THSD4: variants seen among roughly 807,000 people sequenced by gnomAD.
THSD4 encodes the protein thrombospondin type-1 domain-containing protein 4.
THSD4 carries 69 observed loss-of-function variants against 119.0 expected under a neutral mutation model. The ratio of observed to expected loss-of-function variants is 0.58; its 90% CI spans 0.48 to 0.71. The LOEUF (loss-of-function observed/expected upper bound fraction) is 0.71, where lower values mean the gene tolerates loss of function less well. Among genes scored for constraint, THSD4 ranks in the 30% least tolerant of loss-of-function variants. The probability of loss-of-function intolerance (pLI) is 0.00; values close to 1 mark genes in which losing one functional copy is unlikely to be tolerated. For synonymous variants in THSD4, 524 were observed against 540.4 expected, an observed-to-expected ratio of 0.97 and a Z score of 0.42; for missense variants, 1,393 against 1,391.1, an observed-to-expected ratio of 1.00 and a Z score of -0.02.
chr15:71,438,711 C>A (rs1255315479), intron 7 of THSD4, among the ~76,000 whole-genome samples: 1 of 152,092 alleles, frequency 6.6e-6, no homozygotes, highest in Non-Finnish European at 1.5e-5. Flanking sequence ...GAATCTCTGT[C>A]TTTTCATATA....
intron 7 of THSD4, among the ~76,000 whole-genome samples, chr15:71,499,967 G>T (rs1172510495): frequency 6.6e-6 from 1 of 152,056 alleles, no homozygotes; most frequent in Non-Finnish European, 1.5e-5. Context: ...TCTCTTCAAG[G>T]TCTTGTTTTC....
intron 2 of THSD4, among the ~76,000 whole-genome samples, chr15:71,152,606 T>C (rs950840508): frequency 6.6e-6 from 1 of 152,100 alleles, no homozygotes; most frequent in Non-Finnish European, 1.5e-5. Flanking sequence ...CCCGGCCCAC[T>C]CACTGCCATT....
At position 71,239,138 on chromosome 15, in the gene THSD4, T is replaced by A. The variant is rs2044131126; in HGVS notation, c.465-3511T>A. 2.6e-5 allele frequency among the ~76,000 whole-genome samples: 4 copies of A among 152,174 alleles called. No individual in the cohort carries two copies. The South Asian group carries it at 8.3e-4, about 31-fold the overall frequency. ...TGCATACTCTGTGTGAAGCATTAGG[T>A]CATTTGCTCTTAAGTCATTTAATCT... On this transcript the variant is annotated intron_variant, in intron 4 of 17. Coordinates refer to ENST00000261862, the MANE Select transcript of THSD4 (RefSeq NM_024817.3).
At chr15:71,735,626 CTCTCTCTTGCTG>C (rs1466843963) in intron 10 of THSD4, among the ~76,000 whole-genome samples, 4 of 151,464 alleles carry the variant, frequency 2.6e-5, no homozygotes, top group East Asian at 2.0e-4. Context: ...CTCTCTGTTT[CTCTCTCTTGCTG>C]TCTCTCTTGC....
intron 8 of THSD4, 95 bp downstream of exon 8, chr15:71,660,829 C>A: frequency 7.1e-7 from 1 of 1,411,658 alleles, no homozygotes; most frequent in Non-Finnish European, 9.7e-7. Context: ...GTCCGAGAGT[C>A]CCGGGGCATG....
At chr15:71,494,213 T>G (rs1250900980) in intron 7 of THSD4, among the ~76,000 whole-genome samples, 1 of 152,230 alleles carries the variant, frequency 6.6e-6, no homozygotes, top group East Asian at 1.9e-4. Context: ...TGTTTGTATT[T>G]GCAAACTGAG....
At chr15:71,425,545 C>A (rs188043404) in intron 7 of THSD4, among the ~76,000 whole-genome samples, 162 of 152,298 alleles carry the variant, frequency 1.1e-3, no homozygotes, top group African/African-American at 3.6e-3. Context: ...TGCCCCCTGT[C>A]AGGCCTCCTG....
chr15:71,658,976 A>G (rs998262381), intron 7 of THSD4, among the ~76,000 whole-genome samples: 1 of 152,094 alleles, frequency 6.6e-6, no homozygotes, highest in Non-Finnish European at 1.5e-5. Flanking sequence ...TTTTGATTTG[A>G]CTCTGCCCAC....
chr15:71,736,985 C>A (rs2141150182), intron 10 of THSD4, among the ~76,000 whole-genome samples: 1 of 152,326 alleles, frequency 6.6e-6, no homozygotes, highest in South Asian at 2.1e-4. Flanking sequence ...TTTTTTCTTT[C>A]ACCAAACAAT....
At chr15:71,553,050 G>A (rs954711520) in intron 7 of THSD4, among the ~76,000 whole-genome samples, 6 of 152,118 alleles carry the variant, frequency 3.9e-5, no homozygotes, top group Admixed American at 1.3e-4. Context: ...CTTCTTCCCT[G>A]CCAAGATGAA....
At chr15:71,307,722 C>T (rs909575471) in intron 6 of THSD4, among the ~76,000 whole-genome samples, 9 of 152,126 alleles carry the variant, frequency 5.9e-5, no homozygotes, top group Admixed American at 1.3e-4. Context: ...GAGCTGAGAT[C>T]GCACCACTGC....
chr15:71,211,967 T>TG (rs918721120), intron 3 of THSD4, among the ~76,000 whole-genome samples: 6 of 152,182 alleles, frequency 3.9e-5, no homozygotes, highest in Admixed American at 3.9e-4. Context: ...TCAAAACACT[T>TG]GAAAGTTGTC....
In THSD4 at chr15:71,443,007, G is replaced by A. The variant is rs1213703024; in HGVS notation, c.1152+31184G>A. 4.0e-5 allele frequency among the ~76,000 whole-genome samples: 6 copies of A among 151,864 alleles called. No individual in the cohort carries two copies. The South Asian group carries it at 1.0e-3, about 26-fold the overall frequency. On this transcript the variant is annotated intron_variant, in intron 7 of 17. Transcript: ENST00000261862. ...AGCCCCTTGAGGGCAGACCCAGGAAGATTAGGTACTTAAGAAATGTTGAAA... is the reference window on the plus strand; with the variant it reads ...AGCCCCTTGAGGGCAGACCCAGGAAAATTAGGTACTTAAGAAATGTTGAAA...
At chr15:71,354,656 C>T (rs929313212) in intron 6 of THSD4, among the ~76,000 whole-genome samples, 1 of 152,206 alleles carries the variant, frequency 6.6e-6, no homozygotes, top group Admixed American at 6.5e-5. Context: ...TCTAGCCCTG[C>T]AGTTGCTAAT....
intron 6 of THSD4, among the ~76,000 whole-genome samples, chr15:71,399,439 G>A (rs113786734): frequency 0.012 from 1,801 of 152,300 alleles, 13 homozygotes; most frequent in Middle Eastern, 0.02. Flanking sequence ...TCTGTTTTCT[G>A]CACAGCATAG....
chr15:71,722,400 T>C (rs1242753012), intron 8 of THSD4, among the ~76,000 whole-genome samples: 1 of 152,214 alleles, frequency 6.6e-6, no homozygotes, highest in Non-Finnish European at 1.5e-5. Context: ...GTAAAAAGAT[T>C]CAAGGTACCA....
At chr15:71,173,395 T>C (rs1177427763) in intron 3 of THSD4, among the ~76,000 whole-genome samples, 1 of 151,864 alleles carries the variant, frequency 6.6e-6, no homozygotes, top group Non-Finnish European at 1.5e-5. Context: ...TATAAAGATA[T>C]CCCATGTTCA....
intron 6 of THSD4, among the ~76,000 whole-genome samples, chr15:71,349,340 T>C (rs967236230): frequency 1.3e-5 from 2 of 152,260 alleles, no homozygotes; most frequent in African/African-American, 4.8e-5. Flanking sequence ...TATTAATTAC[T>C]TCTTTGCTTA....
rs1329308192 is a variant in THSD4, at chr15:71,780,766, A to T, written c.*3392A>T. 2.2e-6 allele frequency: 1 copy of T among 454,080 alleles called. No homozygotes were observed. The highest frequency in any genetic ancestry group is 1.6e-5 in the South Asian group (1 of 64,336). The allele number at this position is 454,080 out of a possible 1,614,324, so 28.1% of individuals were successfully genotyped here. A position where few individuals can be genotyped will look rare whatever the true frequency, so the allele number is the denominator to read the frequency against. On this transcript the variant is annotated 3_prime_UTR_variant, in exon 18 of 18. Coordinates refer to ENST00000261862, the MANE Select transcript of THSD4 (RefSeq NM_024817.3). The stretch of plus-strand genomic sequence containing the variant: ...AGAGTTCTTGGAGGGTTTTTTCTTT[A>T]TTTTCTTATGTACTCATCTACTTAT...
Sources: allele counts gnomAD v4.1 joint callset (sites outside exome capture counted in the v4.1 genomes callset), GRCh38; gene constraint gnomAD v4.1.1; transcripts MANE v1.5; gene names NCBI Gene and HGNC (gene_info 2026-07-23, HGNC 2026-07-21).